The following TANC1 variants were observed in gnomAD, a reference collection of about 807,000 sequenced individuals.
TANC1 encodes tetratricopeptide repeat, ankyrin repeat and coiled-coil containing 1, also known as protein TANC1.
A neutral mutation model predicts 149.7 loss-of-function variants in TANC1; 77 were observed. The observed-to-expected ratio is 0.51, with a 90% CI of 0.43 to 0.62. TANC1 has a LOEUF of 0.62. Ranked by LOEUF, TANC1 falls within the 20% of genes least tolerant of loss-of-function variation. The pLI is 0.00. For synonymous variants in TANC1, 854 were observed against 925.0 expected, an observed-to-expected ratio of 0.92 and a Z score of 1.39; for missense variants, 1,985 against 2,321.8, an observed-to-expected ratio of 0.85 and a Z score of 2.98.
At chr2:159,074,579 A>G (rs2043461692) in intron 3 of TANC1, among the ~76,000 whole-genome samples, 1 of 152,296 alleles carries the variant, frequency 6.6e-6, no homozygotes, top group Admixed American at 6.5e-5. Flanking sequence ...ATTTATGTTA[A>G]TGCATTGTTT....
At chr2:158,997,785 C>T (rs1312849277) in intron 1 of TANC1, among the ~76,000 whole-genome samples, 1 of 152,162 alleles carries the variant, frequency 6.6e-6, no homozygotes, top group East Asian at 1.9e-4. Context: ...GAGACATCTT[C>T]CTTATAGAAG....
At chr2:159,100,578 T>C (rs1330692892) in intron 4 of TANC1, among the ~76,000 whole-genome samples, 2 of 152,194 alleles carry the variant, frequency 1.3e-5, no homozygotes, top group African/African-American at 4.8e-5. Context: ...TTAGATGTTT[T>C]TGGTCCAAAT....
intron 4 of TANC1, among the ~76,000 whole-genome samples, chr2:159,099,819 C>A (rs1403698596): frequency 6.6e-6 from 1 of 152,104 alleles, no homozygotes; most frequent in Non-Finnish European, 1.5e-5. Context: ...TGTTCCTTGG[C>A]TATAAATTCC....
chr2:159,190,946 A>C (rs936244317), intron 16 of TANC1, among the ~76,000 whole-genome samples: 1 of 152,230 alleles, frequency 6.6e-6, no homozygotes, highest in Admixed American at 6.5e-5. Flanking sequence ...GCCTATATAG[A>C]TCTGTAGAGC....
rs764220742 is a variant in TANC1, at chr2:159,169,364, A to T, written c.1061A>T (p.Glu354Val). 6.1e-5 allele frequency: 98 copies of T among 1,613,732 alleles called. No individual in the cohort carries two copies. Among genetic ancestry groups the T allele is most frequent in the Non-Finnish European group, 8.1e-5 (95 of 1,179,886 alleles). The stretch of plus-strand genomic sequence containing the variant: ...AATACGGCCGGAGGTAGGGCACAGG[A>T]AGTTAAAGGTATTTATCCTGGCATC... Reference protein sequence around the residue: ...WHNTAGGRAQEVKARFAPYKP... With the variant: ...WHNTAGGRAQVVKARFAPYKP... Residue 354 changes from glutamate to valine, a missense_variant, in exon 9 of 27, where the codon GAA (glutamate) becomes GTA (valine). Glu to Val is a moderately radical substitution (Grantham distance 121, BLOSUM62 -2). This residue lies in a region of TANC1 where 557 missense variants were observed against 612.9 expected (regional missense o/e 0.91). Coordinates refer to ENST00000263635, the MANE Select transcript of TANC1 (RefSeq NM_033394.3).
chr2:159,158,901 C>G (rs2053712848), intron 7 of TANC1, among the ~76,000 whole-genome samples: 1 of 152,212 alleles, frequency 6.6e-6, no homozygotes, highest in Non-Finnish European at 1.5e-5. Flanking sequence ...AAGCCCCTTG[C>G]TCTTTTCACC....
At chr2:159,115,056 G>T (rs2048096753) in intron 4 of TANC1, among the ~76,000 whole-genome samples, 1 of 152,206 alleles carries the variant, frequency 6.6e-6, no homozygotes, top group African/African-American at 2.4e-5. Flanking sequence ...TTGGCTCTAA[G>T]CTCTGGGGAC....
Position 159,229,871 on chromosome 2 carries a change from C to T in TANC1, c.4445C>T (p.Ser1482Phe). The T allele has an allele frequency of 6.2e-7, 1 of 1,614,158 alleles. No individual in the cohort carries two copies. Among genetic ancestry groups the T allele is most frequent in the Non-Finnish European group, 8.5e-7 (1 of 1,180,028 alleles). ...ACTCCCAGGTCCCAGCCATCCTCAT[C>T]TGTCCCTTCCTCATACATCCGAAAC... ...SPTPRSQPSS[S>F]VPSSYIRNLQ... Residue 1482 changes from serine (S) to phenylalanine (F), a missense_variant, in exon 27 of 27, where the codon TCT becomes TTT. Physicochemically the swap from Ser to Phe is radical, Grantham distance 155. Coordinates refer to ENST00000263635, the MANE Select transcript of TANC1 (RefSeq NM_033394.3).
At chr2:159,208,820 C>T (rs925894455) in intron 19 of TANC1, among the ~76,000 whole-genome samples, 14 of 152,148 alleles carry the variant, frequency 9.2e-5, no homozygotes, top group African/African-American at 3.4e-4. Context: ...CATCCTTAGG[C>T]GATTTGGTCA....
At chr2:159,127,726 G>C (rs7597190) in intron 4 of TANC1, among the ~76,000 whole-genome samples, 50,708 of 152,112 alleles carry the variant, frequency 0.33, 8,524 homozygotes, top group South Asian at 0.41. Flanking sequence ...CGGGGGGAGG[G>C]AGAGCATCAG....
rs539187908 is a variant in TANC1, at chr2:159,175,213, A to G, written c.1735+29A>G. On this transcript the variant is annotated intron_variant, in intron 12 of 26. Coordinates refer to ENST00000263635, the MANE Select transcript of TANC1 (RefSeq NM_033394.3). ...CTTCGCAGCAGCTACCCACAGCCCC[A>G]TCTCAGTAGTGGTACAGCAGACACA... 6 of 1,574,858 alleles carry G rather than the reference A, an allele frequency of 3.8e-6. No homozygotes were observed. In the South Asian group the frequency reaches 6.7e-5, roughly 17 times the overall value.
intron 19 of TANC1, among the ~76,000 whole-genome samples, chr2:159,214,310 G>T (rs1461508816): frequency 2.0e-5 from 3 of 152,182 alleles, no homozygotes; most frequent in African/African-American, 7.2e-5. Context: ...TTAGCTTTCT[G>T]CAGGGGAAAA....
intron 16 of TANC1, among the ~76,000 whole-genome samples, chr2:159,193,612 C>T (rs1034846634): frequency 3.9e-5 from 6 of 152,154 alleles, no homozygotes; most frequent in Admixed American, 6.5e-5. Flanking sequence ...GCAACCTCCA[C>T]CTCCCGGGTT....
In TANC1 at chr2:159,149,147, A is replaced by G. The variant is rs1257088161; in HGVS notation, c.370A>G (p.Lys124Glu). Residue 124 changes from lysine to glutamate, a missense_variant, in exon 6 of 27, where the codon AAG (lysine) becomes GAG (glutamate). By Grantham distance (56) the Lys-to-Glu change is moderately conservative (BLOSUM62 1). Around this residue, in one of 3 missense-constraint regions of TANC1, gnomAD observed 557 missense variants for 612.9 expected, o/e 0.91. Coordinates refer to ENST00000263635, the MANE Select transcript of TANC1 (RefSeq NM_033394.3). ...GTTTTCTTTCTTTGTTCCAGAAGCA[A>G]AGGCCGATAATGAACCGAGCTGTTC... ...KPTEPDEHEAKADNEPSCSPA... is the reference protein window; with the variant it reads ...KPTEPDEHEAEADNEPSCSPA... The G allele has an allele frequency of 1.3e-6, 2 of 1,584,568 alleles. No homozygotes were observed. The highest frequency in any genetic ancestry group is 2.3e-5 in the South Asian group (2 of 86,304).
At chr2:159,034,238 T>TG (rs1334600682) in intron 2 of TANC1, among the ~76,000 whole-genome samples, 1 of 152,196 alleles carries the variant, frequency 6.6e-6, no homozygotes, top group Admixed American at 6.5e-5. Context: ...GGCCACACCT[T>TG]GCACCCACTC....
At chr2:159,136,049 T>TGTGTGTGTGTGAGA in intron 4 of TANC1, 145 bp from the exon 5 acceptor site, 1 of 90,872 alleles carries the variant, frequency 1.1e-5, no homozygotes. Context: ...TGTGTGTGTG[T>TGTGTGTGTGTGAGA]GCGCGCGCGC....
In TANC1 at chr2:159,097,851, G is replaced by C. The variant is rs2046288301; in HGVS notation, c.259+17G>C. On this transcript the variant is annotated intron_variant, in intron 4 of 26. Coordinates refer to ENST00000263635, the MANE Select transcript of TANC1 (RefSeq NM_033394.3). ...AATCCCCAGGTAAACAGGCAATGAA[G>C]GAGCTGCCTTGGTTATATATGTAGT... 1 of 1,606,710 alleles carries C rather than the reference G, an allele frequency of 6.2e-7. No homozygotes were observed. The highest frequency in any genetic ancestry group is 1.7e-5 in the Admixed American group (1 of 59,950).
intron 7 of TANC1, among the ~76,000 whole-genome samples, chr2:159,152,765 T>C (rs1417422639): frequency 6.6e-6 from 1 of 152,238 alleles, no homozygotes; most frequent in African/African-American, 2.4e-5. Flanking sequence ...ATTACAGGCA[T>C]GAGCCGCTGT....
At chr2:159,063,157 C>G (rs919656020) in intron 2 of TANC1, among the ~76,000 whole-genome samples, 6 of 151,986 alleles carry the variant, frequency 3.9e-5, no homozygotes, top group Non-Finnish European at 2.9e-5. Context: ...TACGAGGTGT[C>G]TCTCAGTGTG....
Sources: gnomAD v4.1 joint callset for allele counts (sites outside exome capture counted in the v4.1 genomes callset) on GRCh38, gnomAD v4.1.1 for gene constraint, gnomAD v4.1.1 regional missense constraint, MANE v1.5 for transcripts, NCBI Gene and HGNC (gene_info 2026-07-23, HGNC 2026-07-21) for gene names.